OSBPL9: variants seen among roughly 807,000 people sequenced by gnomAD.
The protein encoded by OSBPL9 is oxysterol-binding protein-related protein 9.
A neutral mutation model predicts 106.6 loss-of-function variants in OSBPL9; 40 were observed. That is an observed-to-expected ratio of 0.38 (90% CI 0.29 to 0.49). The LOEUF (loss-of-function observed/expected upper bound fraction) is 0.49, where lower values mean the gene tolerates loss of function less well. Among genes scored for constraint, OSBPL9 ranks in the 20% least tolerant of loss-of-function variants. OSBPL9 has a pLI of 0.97. For synonymous variants in OSBPL9, 269 were observed against 295.4 expected, an observed-to-expected ratio of 0.91 and a Z score of 0.92; for missense variants, 609 against 887.2, an observed-to-expected ratio of 0.69 and a Z score of 3.98.
chr1:51,726,756 T>C (rs1180561553), intron 4 of OSBPL9, among the ~76,000 whole-genome samples: 2 of 152,210 alleles, frequency 1.3e-5, no homozygotes, highest in Non-Finnish European at 2.9e-5. Flanking sequence ...TTGAAACAGC[T>C]TTGGGGTTTT....
chr1:51,610,587 C>T (rs904381950), intron 2 of OSBPL9, among the ~76,000 whole-genome samples: 11 of 152,206 alleles, frequency 7.2e-5, no homozygotes, highest in Non-Finnish European at 1.5e-4. Context: ...AGTCACTGAC[C>T]TCAATGAGAT....
the OSBPL9 span, among the ~76,000 whole-genome samples, chr1:51,530,109 T>TG: frequency 7.5e-6 from 1 of 134,134 alleles, no homozygotes; most frequent in African/African-American, 2.9e-5. Context: ...AGGCGGAGCT[T>TG]GCAGTGAGCT....
intron 3 of OSBPL9, among the ~76,000 whole-genome samples, chr1:51,703,980 T>C (rs879742531): frequency 3.3e-5 from 5 of 152,248 alleles, no homozygotes; most frequent in Admixed American, 6.5e-5. Flanking sequence ...ATCCCAGGGA[T>C]GAAGCCCACT....
intron 10 of OSBPL9, among the ~76,000 whole-genome samples, chr1:51,761,342 C>A (rs916541161): frequency 6.6e-6 from 1 of 151,430 alleles, no homozygotes; most frequent in East Asian, 1.9e-4. Flanking sequence ...GCTACACTGA[C>A]TGATTCCTTT....
At chr1:51,683,234 G>A (rs1185961837) in intron 3 of OSBPL9, among the ~76,000 whole-genome samples, 2 of 151,848 alleles carry the variant, frequency 1.3e-5, no homozygotes, top group Admixed American at 1.3e-4. Context: ...AGGCTGGAGT[G>A]CAATGGTGCG....
At chr1:51,611,456 A>G (rs1021742538) in intron 2 of OSBPL9, among the ~76,000 whole-genome samples, 1 of 152,232 alleles carries the variant, frequency 6.6e-6, no homozygotes, top group African/African-American at 2.4e-5. Flanking sequence ...CAACAATAAC[A>G]GCAATAACAA....
In OSBPL9 at chr1:51,760,722, A is replaced by G. The variant is rs746740176; in HGVS notation, c.615A>G (p.Gln205=). The change falls in exon 10 of 24, where the codon CAA becomes CAG. Residue 205 remains glutamine, a synonymous_variant. Coordinates refer to ENST00000428468, the MANE Select transcript of OSBPL9 (RefSeq NM_024586.6). ...TTAATCCCGTAGATGCAATATATCA[A>G]CCTAGTCCTTTGGAACCTGTGATCA... ...STINPVDAIY[Q]PSPLEPVIST... The G allele has an allele frequency of 2.5e-6, 4 of 1,613,920 alleles. No individual in the cohort carries two copies. In the South Asian group the frequency reaches 3.3e-5, roughly 13 times the overall value.
At chr1:51,560,161 A>G in the OSBPL9 span, among the ~76,000 whole-genome samples, 1 of 152,256 alleles carries the variant, frequency 6.6e-6, no homozygotes, top group Non-Finnish European at 1.5e-5. Flanking sequence ...TCTGAACTGT[A>G]GAAATCACTG....
chr1:51,718,133 T>C (rs1436352561), intron 4 of OSBPL9, among the ~76,000 whole-genome samples: 2 of 152,212 alleles, frequency 1.3e-5, no homozygotes, highest in Non-Finnish European at 2.9e-5. Flanking sequence ...TTCTCACTTA[T>C]TTGTGGGAGC....
At chr1:51,587,465 A>G (rs1054070236) in intron 1 of OSBPL9, among the ~76,000 whole-genome samples, 1 of 152,218 alleles carries the variant, frequency 6.6e-6, no homozygotes, top group Admixed American at 6.5e-5. Context: ...ACACTGTGTT[A>G]CTTGAACTGC....
intron 2 of OSBPL9, chr1:51,598,328 G>A (rs1221772189): frequency 6.6e-6 from 1 of 152,312 alleles, no homozygotes; most frequent in Admixed American, 6.5e-5. Flanking sequence ...AGAAAAGGGG[G>A]AACAGGGCCG....
At chr1:51,776,279 C>G (rs895312320) in intron 14 of OSBPL9, among the ~76,000 whole-genome samples, 20 of 152,132 alleles carry the variant, frequency 1.3e-4, no homozygotes, top group Non-Finnish European at 1.2e-4. Flanking sequence ...CATGTATTTC[C>G]TATACACTTG....
intron 9 of OSBPL9, among the ~76,000 whole-genome samples, chr1:51,758,080 G>A (rs932190504): frequency 6.6e-6 from 1 of 152,088 alleles, no homozygotes; most frequent in Non-Finnish European, 1.5e-5. Flanking sequence ...GGCTGACCAA[G>A]GACTGTGGAT....
At chr1:51,587,244 G>A (rs972938692) in intron 1 of OSBPL9, among the ~76,000 whole-genome samples, 5 of 152,126 alleles carry the variant, frequency 3.3e-5, no homozygotes, top group Non-Finnish European at 7.4e-5. Context: ...ATGTGCCTGT[G>A]CTTCCAGCTC....
chr1:51,775,563 T>C (rs544598601), intron 14 of OSBPL9, among the ~76,000 whole-genome samples: 4 of 152,326 alleles, frequency 2.6e-5, no homozygotes, highest in East Asian at 1.9e-4. Flanking sequence ...GCTCTTGTTA[T>C]TCTCTCATAC....
intron 11 of OSBPL9, among the ~76,000 whole-genome samples, chr1:51,763,039 TC>T (rs1671856842): frequency 6.6e-6 from 1 of 152,224 alleles, no homozygotes; most frequent in East Asian, 1.9e-4. Flanking sequence ...GGAGTCTCAC[TC>T]TGTTGCCCAG....
rs1227442924 is a variant in OSBPL9 at position 51,579,691 on chromosome 1, T to C, written c.-423+2435T>C. Among the ~76,000 whole-genome samples, 7 of 151,872 alleles carry C rather than the reference T, an allele frequency of 4.6e-5. No individual in the cohort carries two copies. The East Asian group carries it at 1.4e-3, about 29-fold the overall frequency. On this transcript the variant is annotated intron_variant, in intron 1 of 25. Transcript: ENST00000371714. ...GCCTGGGCAATATGGCAAAACCTCG[T>C]CTCTACAAAAAATAGAAAAATTAGC...
At chr1:51,673,853 C>T (rs1650519380) in intron 3 of OSBPL9, among the ~76,000 whole-genome samples, 1 of 151,716 alleles carries the variant, frequency 6.6e-6, no homozygotes, top group Non-Finnish European at 1.5e-5. Context: ...TGCACTCCAG[C>T]CTGGGCAATA....
At chr1:51,660,405 G>A (rs1391877737) in intron 2 of OSBPL9, among the ~76,000 whole-genome samples, 1 of 152,008 alleles carries the variant, frequency 6.6e-6, no homozygotes, top group Admixed American at 6.6e-5. Context: ...ACATCAGTTG[G>A]CAAAGGATTA....
Sources: gnomAD v4.1 joint callset for allele counts (sites outside exome capture counted in the v4.1 genomes callset) on GRCh38, gnomAD v4.1.1 for gene constraint, MANE v1.5 for transcripts, NCBI Gene and HGNC (gene_info 2026-07-23, HGNC 2026-07-21) for gene names.